The following FOLR2 variants were observed in gnomAD, a reference collection of about 807,000 sequenced individuals.
FOLR2 encodes folate receptor 2 (fetal).
FOLR2 carries 14 observed loss-of-function variants against 20.4 expected under a neutral mutation model. The ratio of observed to expected loss-of-function variants is 0.68; its 90% CI spans 0.45 to 1.07. The LOEUF is 1.07. FOLR2 is among the 50% of genes least tolerant of loss of function. The pLI, the probability that FOLR2 is intolerant of heterozygous loss-of-function variation, is 0.00. For synonymous variants in FOLR2, 114 were observed against 114.3 expected, an observed-to-expected ratio of 1.00 and a Z score of 0.02; for missense variants, 269 against 322.6, an observed-to-expected ratio of 0.83 and a Z score of 1.27.
chr11:72,217,518 G>A lies in FOLR2; in HGVS notation c.-25+593G>A, dbSNP rs908273241. On this transcript the variant is annotated intron_variant, in intron 1 of 4. Coordinates refer to ENST00000298223, the MANE Select transcript of FOLR2 (RefSeq NM_000803.5). ...TGACAGAGCCCAAAGGAACAGCTCT[G>A]TAATGGCTGGGGGTGGGGGCAAGGG... 1.1e-5 allele frequency: 7 copies of A among 652,748 alleles called. No individual in the cohort carries two copies. The East Asian group carries it at 4.6e-4, about 43-fold the overall frequency. 40.4% of individuals were successfully genotyped at this position (652,748 alleles called of 1,614,324 possible). A position where few individuals can be genotyped will look rare whatever the true frequency, so the allele number is the denominator to read the frequency against.
Position 72,220,855 on chromosome 11 carries a change from G to A in FOLR2, c.151-15G>A. ...GGTATGGGGAGGCACTTAGTCCTGT[G>A]TCTTCCCCACCCAGTGCAGTCCCTG... On this transcript the variant is annotated splice_polypyrimidine_tract_variant and intron_variant, in intron 2 of 4. Coordinates refer to ENST00000298223, the MANE Select transcript of FOLR2 (RefSeq NM_000803.5). 2 of 1,613,778 alleles carry A rather than the reference G, an allele frequency of 1.2e-6. No homozygotes were observed. The highest frequency in any genetic ancestry group is 4.5e-5 in the East Asian group (2 of 44,878).
intron 1 of FOLR2, chr11:72,217,462 G>C (rs929503023): frequency 2.8e-6 from 3 of 1,081,372 alleles, no homozygotes; most frequent in Non-Finnish European, 3.8e-6. Flanking sequence ...CAGAGAGGGA[G>C]AGGAAGCAGT....
At chr11:72,218,947 C>T (rs541771728) in intron 2 of FOLR2, among the ~76,000 whole-genome samples, 59 of 152,282 alleles carry the variant, frequency 3.9e-4, no homozygotes, top group Non-Finnish European at 6.5e-4. Context: ...GATATTGAGT[C>T]GTCATTCGAT....
intron 1 of FOLR2, chr11:72,217,272 C>A: frequency 1.2e-6 from 1 of 835,820 alleles, no homozygotes; most frequent in East Asian, 5.9e-5. Context: ...ATCCACCCAC[C>A]TCGGCCTCCC....
In FOLR2 at chr11:72,221,891, C is replaced by A; in HGVS notation, c.*129C>A. On this transcript the variant is annotated 3_prime_UTR_variant, in exon 5 of 5. Coordinates refer to ENST00000298223, the MANE Select transcript of FOLR2 (RefSeq NM_000803.5). ...TAACCCTCTGTCACCCAGTCTGTTG[C>A]TGCTCCATGGTGGGGCCAAGAGTCA... 1 of 820,514 alleles carries A rather than the reference C, an allele frequency of 1.2e-6. No homozygotes were observed. Among genetic ancestry groups the A allele is most frequent in the Non-Finnish European group, 1.9e-6 (1 of 529,302 alleles). 50.8% of individuals were successfully genotyped at this position (820,514 alleles called of 1,614,324 possible).
intron 1 of FOLR2, chr11:72,217,400 C>T: frequency 3.9e-6 from 5 of 1,288,302 alleles, no homozygotes; most frequent in Non-Finnish European, 5.1e-6. Context: ...AGAGGGAAGA[C>T]TTGACACTAA....
intron 2 of FOLR2, among the ~76,000 whole-genome samples, chr11:72,219,671 T>G (rs1302031954): frequency 2.0e-5 from 3 of 152,194 alleles, no homozygotes; most frequent in Non-Finnish European, 2.9e-5. Flanking sequence ...AATGTTGCTG[T>G]TGATGTCATA....
chr11:72,221,493 G>A lies in FOLR2; in HGVS notation c.499G>A (p.Ala167Thr). The change falls in exon 5 of 5, where the codon GCT becomes ACT. Residue 167 changes from alanine to threonine, a missense_variant. Ala to Thr is a moderately conservative substitution (Grantham distance 58). Transcript: ENST00000298223. ...TSGVNKCPAGALCRTFESYFP... is the reference protein window; with the variant it reads ...TSGVNKCPAGTLCRTFESYFP... ...AGGAGTTAACAAGTGCCCAGCTGGG[G>A]CTCTCTGCCGCACCTTTGAGTCCTA... The A allele has an allele frequency of 6.2e-7, 1 of 1,613,876 alleles. No individual in the cohort carries two copies. Among genetic ancestry groups the A allele is most frequent in the Non-Finnish European group, 8.5e-7 (1 of 1,179,866 alleles).
chr11:72,218,444 T>C (rs116993752), intron 1 of FOLR2, 117 bp from the exon 2 acceptor site: 18,696 of 867,926 alleles, frequency 0.022, 279 homozygotes, highest in Non-Finnish European at 0.023. Context: ...GCCCCAGCAT[T>C]GAAGGAACAG....
At chr11:72,217,245 G>A (rs1239738230) in intron 1 of FOLR2, 8 of 611,454 alleles carry the variant, frequency 1.3e-5, no homozygotes, top group East Asian at 5.9e-5. Context: ...GGCTGGTCTC[G>A]AACTCTTGAC....
chr11:72,218,335 GCTCA>G (rs952206070), intron 1 of FOLR2, among the ~76,000 whole-genome samples: 8 of 152,214 alleles, frequency 5.3e-5, no homozygotes, highest in African/African-American at 1.7e-4. Flanking sequence ...CTCCCCCAGG[GCTCA>G]CTCACTAACG....
Position 72,216,867 on chromosome 11 carries a change from T to C in FOLR2, c.-83T>C. 6.3e-7 allele frequency: 1 copy of C among 1,599,002 alleles called. No individual in the cohort carries two copies. The highest frequency in any genetic ancestry group is 2.2e-5 in the East Asian group (1 of 44,856). On this transcript the variant is annotated 5_prime_UTR_variant, in exon 1 of 5. Transcript: ENST00000298223. ...CTAGGGGCCTGGATCTATTGCCTAC[T>C]TAGAGAGAGGCCAACTCAGACACAG...
At position 72,218,651 on chromosome 11, in the gene FOLR2, G is replaced by A. The variant is rs766926768; in HGVS notation, c.67G>A (p.Asp23Asn). ...VCVATMCSAQ[D>N]RTDLLNVCMD... ...TGTAGCCACCATGTGCAGTGCCCAG[G>A]ACAGGACTGATCTCCTCAATGTCTG... Residue 23 changes from aspartate (D) to asparagine (N), a missense_variant, in exon 2 of 5, where the codon GAC (aspartate) becomes AAC (asparagine). Physicochemically the swap from Asp to Asn is conservative, Grantham distance 23. Transcript: ENST00000298223. The A allele has an allele frequency of 1.2e-5, 19 of 1,613,104 alleles. No individual in the cohort carries two copies. The highest frequency in any genetic ancestry group is 5.0e-5 in the Admixed American group (3 of 59,884).
At chr11:72,218,535 C>G in intron 1 of FOLR2, 26 bp from the exon 2 acceptor site, 1 of 1,593,536 alleles carries the variant, frequency 6.3e-7, no homozygotes, top group Non-Finnish European at 8.5e-7. Flanking sequence ...GCCCTTTCCC[C>G]TCAGGACTTG....
chr11:72,219,845 C>T (rs1428643607), intron 2 of FOLR2, among the ~76,000 whole-genome samples: 1 of 150,336 alleles, frequency 6.7e-6, no homozygotes, highest in South Asian at 2.1e-4. Flanking sequence ...AGGGCTTTTG[C>T]TTACTTTTTT....
Position 72,221,846 on chromosome 11 carries a change from G to A in FOLR2, c.*84G>A, listed in dbSNP as rs1803568. ...GCTCCCACAAATGACAGCCCCTTAAGCATGCTTCTATTAGTCACCTAACCC... is the reference window on the plus strand; with the variant it reads ...GCTCCCACAAATGACAGCCCCTTAAACATGCTTCTATTAGTCACCTAACCC... On this transcript the variant is annotated 3_prime_UTR_variant, in exon 5 of 5. Coordinates refer to ENST00000298223, the MANE Select transcript of FOLR2 (RefSeq NM_000803.5). 14 of 1,349,760 alleles carry A rather than the reference G, an allele frequency of 1.0e-5. No individual in the cohort carries two copies. The East Asian group carries it at 2.9e-4, about 28-fold the overall frequency. 83.6% of individuals were successfully genotyped at this position (1,349,760 alleles called of 1,614,324 possible).
At chr11:72,216,954 C>G in intron 1 of FOLR2, 29 bp downstream of exon 1, 61 of 1,598,560 alleles carry the variant, frequency 3.8e-5, no homozygotes, top group Non-Finnish European at 5.2e-5. Flanking sequence ...GGAAGGGTGA[C>G]AAGGGCAGTG....
Position 72,221,219 on chromosome 11 carries a change from T to C in FOLR2, c.383T>C (p.Leu128Ser), listed in dbSNP as rs1268378896. The C allele has an allele frequency of 1.2e-6, 2 of 1,613,520 alleles. No individual in the cohort carries two copies. The change falls in exon 4 of 5, where the codon TTA becomes TCA. Residue 128 changes from leucine (L) to serine (S), a missense_variant. Leu to Ser is a moderately radical substitution (Grantham distance 145). Transcript: ENST00000298223. Reference protein sequence around the residue: ...WRKERFLDVPLCKEDCQRWWE... With the variant: ...WRKERFLDVPSCKEDCQRWWE... ...AAAGAACGCTTCCTGGATGTGCCCT[T>C]ATGCAAAGAGGACTGTCAGCGCTGG...
chr11:72,219,823 C>T (rs946851075), intron 2 of FOLR2, among the ~76,000 whole-genome samples: 2 of 150,952 alleles, frequency 1.3e-5, no homozygotes, highest in Non-Finnish European at 2.9e-5. Flanking sequence ...GATAGAGATA[C>T]ATTTAAAAAG....
Sources: allele counts gnomAD v4.1 joint callset (sites outside exome capture counted in the v4.1 genomes callset), GRCh38; gene constraint gnomAD v4.1.1; transcripts MANE v1.5; gene names NCBI Gene and HGNC (gene_info 2026-07-23, HGNC 2026-07-21).